MCTP1: variants seen among roughly 807,000 people sequenced by gnomAD.
MCTP1 encodes the protein multiple C2 and transmembrane domain-containing protein 1.
A neutral mutation model predicts 120.6 loss-of-function variants in MCTP1; 69 were observed. The observed-to-expected ratio is 0.57, with a 90% CI of 0.47 to 0.70. The LOEUF (loss-of-function observed/expected upper bound fraction) is 0.70. Ranked by LOEUF, MCTP1 falls within the 30% of genes least tolerant of loss-of-function variation. MCTP1 has a pLI of 0.00. For synonymous variants in MCTP1, 529 were observed against 493.1 expected, an observed-to-expected ratio of 1.07 and a Z score of -0.96; for missense variants, 1,203 against 1,248.8, an observed-to-expected ratio of 0.96 and a Z score of 0.55.
At chr5:95,152,684 G>T (rs331570) in intron 1 of MCTP1, among the ~76,000 whole-genome samples, 116,420 of 152,120 alleles carry the variant, frequency 0.77, 44,899 homozygotes, top group Non-Finnish European at 0.82. Flanking sequence ...TAACTTTTGG[G>T]TTCACTCTTT....
At chr5:95,205,270 C>T (rs1464163109) in intron 1 of MCTP1, among the ~76,000 whole-genome samples, 4 of 151,966 alleles carry the variant, frequency 2.6e-5, no homozygotes, top group Non-Finnish European at 5.9e-5. Flanking sequence ...ATGGTTGGGA[C>T]AACTGGGAAA....
chr5:94,899,426 A>G (rs1250278067), intron 10 of MCTP1, among the ~76,000 whole-genome samples: 1 of 152,122 alleles, frequency 6.6e-6, no homozygotes, highest in Middle Eastern at 3.2e-3. Context: ...GGGCTGGCTG[A>G]TCTTTCACTG....
chr5:94,957,618 T>C (rs1466283809), intron 2 of MCTP1, among the ~76,000 whole-genome samples: 1 of 151,860 alleles, frequency 6.6e-6, no homozygotes, highest in Non-Finnish European at 1.5e-5. Context: ...GTTGCAATCC[T>C]AGCCCCTGAT....
At chr5:95,147,817 G>A (rs978726228) in intron 1 of MCTP1, among the ~76,000 whole-genome samples, 1 of 152,160 alleles carries the variant, frequency 6.6e-6, no homozygotes, top group Non-Finnish European at 1.5e-5. Context: ...GCTTAAGTGT[G>A]TTTTTGTGGT....
chr5:95,122,587 G>C (rs558837468), intron 1 of MCTP1, among the ~76,000 whole-genome samples: 1 of 152,260 alleles, frequency 6.6e-6, no homozygotes, highest in East Asian at 1.9e-4. Flanking sequence ...AAACAGCCTG[G>C]AGGTTCCTCA....
intron 1 of MCTP1, among the ~76,000 whole-genome samples, chr5:95,132,709 T>A (rs1759139201): frequency 6.6e-6 from 1 of 152,186 alleles, no homozygotes; most frequent in Non-Finnish European, 1.5e-5. Flanking sequence ...ACCAAGGAGA[T>A]CCCAGCTTAC....
chr5:94,985,790 C>T (rs1181633453), intron 2 of MCTP1, among the ~76,000 whole-genome samples: 1 of 152,108 alleles, frequency 6.6e-6, no homozygotes, highest in Non-Finnish European at 1.5e-5. Flanking sequence ...GCAGAGCTCA[C>T]AGTGTGTGTC....
intron 2 of MCTP1, among the ~76,000 whole-genome samples, chr5:95,002,962 T>C (rs2153638858): frequency 6.6e-6 from 1 of 152,272 alleles, no homozygotes; most frequent in African/African-American, 2.4e-5. Context: ...TGGTGGAAGT[T>C]AATTGAATCA....
intron 10 of MCTP1, among the ~76,000 whole-genome samples, chr5:94,902,818 GAGA>G (rs1276570432): frequency 6.6e-6 from 1 of 152,132 alleles, no homozygotes; most frequent in Non-Finnish European, 1.5e-5. Context: ...TCTCTCTGGG[GAGA>G]TTGATTTACC....
chr5:95,141,232 T>C (rs1759907172), intron 1 of MCTP1, among the ~76,000 whole-genome samples: 2 of 152,204 alleles, frequency 1.3e-5, no homozygotes, highest in African/African-American at 4.8e-5. Context: ...AAATTTGGAA[T>C]CTCTTATCAA....
chr5:95,008,354 T>C (rs757568173), intron 2 of MCTP1, among the ~76,000 whole-genome samples: 23 of 152,246 alleles, frequency 1.5e-4, no homozygotes, highest in Middle Eastern at 6.8e-3. Flanking sequence ...CCCTTACCAA[T>C]TGAGAAATCA....
intron 1 of MCTP1, among the ~76,000 whole-genome samples, chr5:95,180,793 CTT>C (rs1748515932): frequency 6.6e-6 from 1 of 152,160 alleles, no homozygotes; most frequent in African/African-American, 2.4e-5. Context: ...TAAAGGAAAA[CTT>C]TTAATTTTCC....
At chr5:95,210,188 G>C (rs1752167183) in intron 1 of MCTP1, among the ~76,000 whole-genome samples, 2 of 152,146 alleles carry the variant, frequency 1.3e-5, no homozygotes, top group Admixed American at 1.3e-4. Context: ...ATGTCTATTA[G>C]GTCCACTTGG....
At chr5:94,801,164 T>C (rs1276114573) in intron 17 of MCTP1, among the ~76,000 whole-genome samples, 1 of 152,196 alleles carries the variant, frequency 6.6e-6, no homozygotes, top group Non-Finnish European at 1.5e-5. Context: ...GTCACTAGAA[T>C]ATAAGCTCCT....
intron 18 of MCTP1, among the ~76,000 whole-genome samples, chr5:94,779,868 C>T (rs551110831): frequency 1.2e-4 from 18 of 152,098 alleles, no homozygotes; most frequent in Non-Finnish European, 2.1e-4. Flanking sequence ...TATTTTTTAA[C>T]GGCTATTTAG....
intron 19 of MCTP1, among the ~76,000 whole-genome samples, chr5:94,756,709 C>T (rs1769978557): frequency 2.0e-5 from 3 of 152,094 alleles, no homozygotes; most frequent in Admixed American, 2.0e-4. Flanking sequence ...CTAAAGAATA[C>T]CCAGCACACA....
chr5:94,922,997 C>CAAAAAAAAAAAAAAAAAA (rs202245253), intron 7 of MCTP1, among the ~76,000 whole-genome samples: 3 of 99,546 alleles, frequency 3.0e-5, no homozygotes, highest in African/African-American at 4.0e-5. Context: ...TAAAAAGCTG[C>CAAAAAAAAAAAAAAAAAA]AAAAAAAAAA....
intron 1 of MCTP1, chr5:95,081,376 A>G (rs1754888898): frequency 6.5e-6 from 10 of 1,543,762 alleles, no homozygotes; most frequent in East Asian, 2.3e-5. Context: ...AAACTGCCAC[A>G]TTAATTTAAG....
intron 1 of MCTP1, among the ~76,000 whole-genome samples, chr5:95,037,870 A>G (rs1441255921): frequency 1.3e-5 from 2 of 152,206 alleles, no homozygotes; most frequent in Non-Finnish European, 2.9e-5. Context: ...CTGTCTCAAA[A>G]AAACAAAAAC....
Sources: allele counts gnomAD v4.1 joint callset (sites outside exome capture counted in the v4.1 genomes callset), GRCh38; gene constraint gnomAD v4.1.1; transcripts MANE v1.5; gene names NCBI Gene and HGNC (gene_info 2026-07-23, HGNC 2026-07-21).